Variants in SCN10A observed in about 807,000 individuals in gnomAD.
SCN10A encodes the protein sodium channel protein type 10 subunit alpha.
SCN10A carries 162 observed loss-of-function variants against 170.7 expected under a neutral mutation model. That is an observed-to-expected ratio of 0.95 (90% CI 0.84 to 1.08). SCN10A has a LOEUF of 1.08. Among genes scored for constraint, SCN10A ranks in the 50% least tolerant of loss-of-function variants. The pLI is 0.00. For synonymous variants in SCN10A, 985 were observed against 904.6 expected, an observed-to-expected ratio of 1.09 and a Z score of -1.59; for missense variants, 2,527 against 2,436.9, an observed-to-expected ratio of 1.04 and a Z score of -0.78.
At chr3:38,773,928 G>A (rs2064039811) in intron 4 of SCN10A, among the ~76,000 whole-genome samples, 1 of 152,110 alleles carries the variant, frequency 6.6e-6, no homozygotes, top group South Asian at 2.1e-4. Flanking sequence ...ATTGGAGATA[G>A]GGAGGTATCA....
At position 38,697,896 on chromosome 3, in the gene SCN10A, AG is replaced by A; in HGVS notation, c.5323del (p.Leu1775Ter). ...ATTTCGATTGGGTTTTGGGATTCTCAGGGGACCAGAGAGAGTGTCTGCAAAG... is the reference window on the plus strand; with the variant it reads ...ATTTCGATTGGGTTTTGGGATTCTCAGGGACCAGAGAGAGTGTCTGCAAAG... ...SDFADTLSGP[L>X]RIPKPNRNIL... On this transcript the variant is annotated frameshift_variant, in exon 28 of 28. Coordinates refer to ENST00000449082, the MANE Select transcript of SCN10A (RefSeq NM_006514.4). LOFTEE classifies it high-confidence loss of function. 1 of 1,614,132 alleles carries A rather than the reference AG, an allele frequency of 6.2e-7. No individual in the cohort carries two copies. The highest frequency in any genetic ancestry group is 8.5e-7 in the Non-Finnish European group (1 of 1,180,032).
chr3:38,735,354 T>C (rs534529524), intron 15 of SCN10A, among the ~76,000 whole-genome samples: 186 of 152,232 alleles, frequency 1.2e-3, no homozygotes, highest in Non-Finnish European at 2.1e-3. Context: ...AAAAGAACAT[T>C]TAAGAAGATA....
chr3:38,771,423 G>A lies in SCN10A; in HGVS notation c.471-16C>T. The A allele has an allele frequency of 6.2e-7, 1 of 1,612,876 alleles. No homozygotes were observed. The highest frequency in any genetic ancestry group is 8.5e-7 in the Non-Finnish European group (1 of 1,179,340). ...GAAGACATATCTGGGAAGGAGGGTA[G>A]AAAAGGAGTGTCAACTGTGCCATGG... On this transcript the variant is annotated splice_polypyrimidine_tract_variant and intron_variant, in intron 4 of 27. Coordinates refer to ENST00000449082, the MANE Select transcript of SCN10A (RefSeq NM_006514.4).
intron 5 of SCN10A, among the ~76,000 whole-genome samples, chr3:38,764,959 T>C (rs1016983945): frequency 1.2e-4 from 19 of 152,226 alleles, no homozygotes; most frequent in African/African-American, 4.1e-4. Context: ...TGATAATTAA[T>C]GATGTTGAGC....
chr3:38,711,709 G>T (rs1201316277), intron 23 of SCN10A, among the ~76,000 whole-genome samples: 1 of 152,230 alleles, frequency 6.6e-6, no homozygotes, highest in Non-Finnish European at 1.5e-5. Context: ...AGAAATGAGT[G>T]ATTGACTGGA....
chr3:38,793,607 T>TATA, intron 2 of SCN10A, 134 bp downstream of exon 2: 2 of 673,968 alleles, frequency 3.0e-6, no homozygotes, highest in Non-Finnish European at 5.0e-6. Flanking sequence ...TATATATATA[T>TATA]TTTTTTTGGT....
intron 4 of SCN10A, among the ~76,000 whole-genome samples, chr3:38,774,363 C>T (rs2064045638): frequency 6.6e-6 from 1 of 152,306 alleles, no homozygotes; most frequent in Non-Finnish European, 1.5e-5. Context: ...ATTTTCAGTG[C>T]TTCACCAGAA....
intron 5 of SCN10A, 38 bp downstream of exon 5, chr3:38,771,241 C>T (rs2063995817): frequency 6.2e-7 from 1 of 1,607,956 alleles, no homozygotes; most frequent in Non-Finnish European, 8.5e-7. Flanking sequence ...TGTCCCCTCT[C>T]CTATCACACA....
Position 38,752,485 on chromosome 3 carries a change from G to A in SCN10A, c.1489C>T (p.Arg497Cys), listed in dbSNP as rs370009920. The A allele has an allele frequency of 1.2e-4, 195 of 1,600,730 alleles. No individual in the cohort carries two copies. The highest frequency in any genetic ancestry group is 1.5e-4 in the Admixed American group (9 of 58,658). The part of the protein sequence containing the change: ...MSFLGLASGK[R>C]RASHGSVFHF... ...AACACACTGCCATGACTAGCCCGGCGTTTTCCAGAGGCGAGGCCTAGAAAA... is the reference window on the plus strand; with the variant it reads ...AACACACTGCCATGACTAGCCCGGCATTTTCCAGAGGCGAGGCCTAGAAAA... The change falls in exon 12 of 28, where the codon CGC becomes TGC. Residue 497 changes from arginine to cysteine, a missense_variant. Arg to Cys is a radical substitution (Grantham distance 180, BLOSUM62 -3). Transcript: ENST00000449082.
intron 12 of SCN10A, 65 bp from the exon 13 acceptor site, chr3:38,750,249 C>T (rs776335691): frequency 6.9e-6 from 6 of 867,816 alleles, no homozygotes; most frequent in Middle Eastern, 2.2e-4. Flanking sequence ...AAAGTTGGAT[C>T]ATTCAGCCTC....
chr3:38,730,464 A>G (rs2126004750), intron 15 of SCN10A, among the ~76,000 whole-genome samples: 1 of 152,356 alleles, frequency 6.6e-6, no homozygotes, highest in Admixed American at 6.5e-5. Flanking sequence ...TAAGAGTTGC[A>G]GTAAAAAAAC....
intron 12 of SCN10A, 89 bp from the exon 13 acceptor site, chr3:38,750,273 T>C (rs2063734392): frequency 1.5e-6 from 1 of 653,938 alleles, no homozygotes; most frequent in Admixed American, 2.5e-5. Flanking sequence ...TTGGCCAATC[T>C]CATATATAGT....
intron 3 of SCN10A, among the ~76,000 whole-genome samples, chr3:38,790,725 A>T (rs553291751): frequency 6.6e-6 from 1 of 151,988 alleles, no homozygotes; most frequent in East Asian, 1.9e-4. Flanking sequence ...AACTAGCTAC[A>T]TGGTCTTGGA....
chr3:38,809,563 T>C (rs948031349), intron 1 of SCN10A, among the ~76,000 whole-genome samples: 2 of 152,188 alleles, frequency 1.3e-5, no homozygotes, highest in African/African-American at 4.8e-5. Context: ...TGGAAGATGA[T>C]GTGGTGTAGT....
chr3:38,714,224 T>A (rs1001942031), intron 21 of SCN10A, 144 bp from the exon 22 acceptor site: 1 of 941,674 alleles, frequency 1.1e-6, no homozygotes, highest in African/African-American at 1.6e-5. Flanking sequence ...GGAACTCCAA[T>A]GAGAGGTCTA....
At position 38,698,307 on chromosome 3, in the gene SCN10A, A is replaced by G; in HGVS notation, c.4913T>C (p.Ile1638Thr). ...SFPHVRWEAG[I>T]DDMFNFQTFA... ...GGTCTGGAAGTTGAACATGTCGTCG[A>G]TGCCAGCCTCCCACCTCACATGGGG... The change falls in exon 28 of 28, where the codon ATC becomes ACC. Residue 1638 changes from isoleucine (I) to threonine (T), a missense_variant. Coordinates refer to ENST00000449082, the MANE Select transcript of SCN10A (RefSeq NM_006514.4). 6.2e-7 allele frequency: 1 copy of G among 1,614,180 alleles called. No individual in the cohort carries two copies. The highest frequency in any genetic ancestry group is 8.5e-7 in the Non-Finnish European group (1 of 1,180,036).
At chr3:38,764,703 T>C (rs2063912302) in intron 5 of SCN10A, among the ~76,000 whole-genome samples, 4 of 152,200 alleles carry the variant, frequency 2.6e-5, no homozygotes, top group Admixed American at 2.6e-4. Flanking sequence ...TTTTTAATAA[T>C]GGCTTATTTT....
At chr3:38,739,241 G>T (rs1191188904) in intron 15 of SCN10A, among the ~76,000 whole-genome samples, 1 of 152,204 alleles carries the variant, frequency 6.6e-6, no homozygotes, top group Non-Finnish European at 1.5e-5. Context: ...TGCTGTTATT[G>T]TTATTTGATA....
At chr3:38,728,419 A>C in intron 16 of SCN10A, 123 bp downstream of exon 16, 1 of 1,095,556 alleles carries the variant, frequency 9.1e-7, no homozygotes, top group Non-Finnish European at 1.3e-6. Context: ...GAAAAGTTTG[A>C]AGACTTTTCA....
Sources: allele counts gnomAD v4.1 joint callset (sites outside exome capture counted in the v4.1 genomes callset), GRCh38; gene constraint gnomAD v4.1.1; transcripts MANE v1.5; gene names NCBI Gene and HGNC (gene_info 2026-07-23, HGNC 2026-07-21).